Variants in NRF1 observed in about 807,000 individuals in gnomAD.
NRF1 encodes alpha palindromic-binding protein.
In NRF1, 5 loss-of-function variants were observed where a neutral mutation model predicts 58.5. The observed-to-expected ratio is 0.09, with a 90% CI of 0.04 to 0.18. NRF1 has a LOEUF of 0.18. Among genes scored for constraint, NRF1 ranks in the 10% least tolerant of loss-of-function variants. The pLI is 1.00. For synonymous variants in NRF1, 224 were observed against 246.7 expected, an observed-to-expected ratio of 0.91 and a Z score of 0.86; for missense variants, 288 against 657.7, an observed-to-expected ratio of 0.44 and a Z score of 6.15.
chr7:129,753,190 T>C (rs1311227292), intron 10 of NRF1, among the ~76,000 whole-genome samples: 1 of 152,232 alleles, frequency 6.6e-6, no homozygotes, highest in Non-Finnish European at 1.5e-5. Context: ...AATTTTTATC[T>C]TCATCAAAGT....
chr7:129,727,759 C>T (rs1803481669), intron 10 of NRF1, among the ~76,000 whole-genome samples: 1 of 152,164 alleles, frequency 6.6e-6, no homozygotes. Flanking sequence ...ATGGAAAGTT[C>T]TGACTACATC....
rs1220666476 is a variant in NRF1, at chr7:129,696,083, A to AAC, written c.606+5538_606+5539insCA. Among the ~76,000 whole-genome samples the AAC allele has an allele frequency of 6.9e-5, 10 of 145,392 alleles. 1 individual carries two copies. Among genetic ancestry groups the AAC allele is most frequent in the African/African-American group, 2.6e-4 (10 of 38,946 alleles). ...ACTAAAAAAAAAAAAAAAAAAAAAAAAAACAACCAAATTAGCCGGGCTTAG... is the reference window on the plus strand; with the variant it reads ...ACTAAAAAAAAAAAAAAAAAAAAAAAACAAACAACCAAATTAGCCGGGCTTAG... On this transcript the variant is annotated intron_variant, in intron 5 of 10. Coordinates refer to ENST00000393232, the MANE Select transcript of NRF1 (RefSeq NM_005011.5).
At chr7:129,618,511 G>A (rs1293525125) in intron 1 of NRF1, among the ~76,000 whole-genome samples, 5 of 152,174 alleles carry the variant, frequency 3.3e-5, no homozygotes, top group Admixed American at 2.0e-4. Flanking sequence ...TCTGGGCAAC[G>A]TTGTGAGACC....
chr7:129,754,668 G>C (rs1562995308), intron 10 of NRF1, among the ~76,000 whole-genome samples: 1 of 151,932 alleles, frequency 6.6e-6, no homozygotes, highest in African/African-American at 2.4e-5. Context: ...TGTGTTTCAA[G>C]ATAGCTAGAT....
intron 2 of NRF1, among the ~76,000 whole-genome samples, 164 bp from the exon 3 acceptor site, chr7:129,671,265 C>T (rs1216477153): frequency 6.6e-6 from 1 of 152,154 alleles, no homozygotes; most frequent in Non-Finnish European, 1.5e-5. Context: ...TAATATGAAT[C>T]ATGTTAAACA....
At chr7:129,615,042 T>G (rs1159448565) in intron 1 of NRF1, among the ~76,000 whole-genome samples, 1 of 152,208 alleles carries the variant, frequency 6.6e-6, no homozygotes, top group Non-Finnish European at 1.5e-5. Context: ...TTCAGTAAAG[T>G]TGAAGAATAA....
intron 5 of NRF1, among the ~76,000 whole-genome samples, chr7:129,705,861 A>G (rs1198964547): frequency 6.6e-6 from 1 of 152,162 alleles, no homozygotes; most frequent in Non-Finnish European, 1.5e-5. Context: ...GGATCCCTTG[A>G]GCCCTGGAGG....
At chr7:129,654,379 T>G (rs1253809917) in intron 1 of NRF1, among the ~76,000 whole-genome samples, 1 of 152,232 alleles carries the variant, frequency 6.6e-6, no homozygotes, top group Non-Finnish European at 1.5e-5. Context: ...CTGATTCATC[T>G]TTTACAACTA....
chr7:129,654,533 G>A (rs1010577550), intron 1 of NRF1, among the ~76,000 whole-genome samples: 14 of 152,072 alleles, frequency 9.2e-5, no homozygotes, highest in African/African-American at 3.1e-4. Context: ...AAAAGTCATT[G>A]CCATACCCAA....
chr7:129,613,489 T>G (rs543680213), intron 1 of NRF1, among the ~76,000 whole-genome samples: 2 of 152,294 alleles, frequency 1.3e-5, no homozygotes, highest in South Asian at 4.1e-4. Context: ...ATTCTTAACT[T>G]GGATCCTAAA....
intron 2 of NRF1, among the ~76,000 whole-genome samples, chr7:129,670,947 A>C (rs1468850000): frequency 6.6e-6 from 1 of 152,198 alleles, no homozygotes; most frequent in Non-Finnish European, 1.5e-5. Context: ...GTGTTGTTGG[A>C]GTTCCAAATG....
At chr7:129,645,354 C>G (rs1045084959) in intron 1 of NRF1, among the ~76,000 whole-genome samples, 14 of 152,132 alleles carry the variant, frequency 9.2e-5, no homozygotes, top group African/African-American at 2.9e-4. Flanking sequence ...TTGTACCACC[C>G]CGCCGGAGAA....
At chr7:129,651,985 A>G (rs1292824630) in intron 1 of NRF1, among the ~76,000 whole-genome samples, 2 of 152,226 alleles carry the variant, frequency 1.3e-5, no homozygotes, top group African/African-American at 4.8e-5. Flanking sequence ...CAGATTTTCC[A>G]AATGTTCACA....
intron 2 of NRF1, among the ~76,000 whole-genome samples, chr7:129,664,490 A>C (rs765238174): frequency 5.9e-5 from 9 of 152,234 alleles, no homozygotes; most frequent in Non-Finnish European, 1.2e-4. Context: ...GTTACTGTCC[A>C]CTGTGTATTT....
chr7:129,673,498 G>A (rs1802097738), intron 3 of NRF1, among the ~76,000 whole-genome samples: 1 of 152,124 alleles, frequency 6.6e-6, no homozygotes, highest in African/African-American at 2.4e-5. Flanking sequence ...GGGAGGCCGA[G>A]GCGGGCGGAT....
Position 129,699,172 on chromosome 7 carries a change from C to G in NRF1, c.606+8626C>G, listed in dbSNP as rs532565748. ...GTAATTTACAGCAGTTTCAGGTAAA[C>G]CTTCTGAAATGTTCAGCAGAGTGGT... is the stretch of plus-strand genomic sequence containing the variant. On this transcript the variant is annotated intron_variant, in intron 5 of 10. Transcript: ENST00000393232. Among the ~76,000 whole-genome samples the G allele has an allele frequency of 6.6e-5, 10 of 152,286 alleles. No homozygotes were observed. In the East Asian group the frequency reaches 1.5e-3, roughly 24 times the overall value.
chr7:129,705,871 GT>G (rs764136465), intron 5 of NRF1, among the ~76,000 whole-genome samples: 2 of 152,158 alleles, frequency 1.3e-5, no homozygotes, highest in Non-Finnish European at 2.9e-5. Context: ...AGCCCTGGAG[GT>G]TGAGGCTGCA....
At chr7:129,688,891 A>G (rs1278333099) in intron 4 of NRF1, among the ~76,000 whole-genome samples, 1 of 151,410 alleles carries the variant, frequency 6.6e-6, no homozygotes, top group African/African-American at 2.4e-5. Flanking sequence ...TTGGGTGGGG[A>G]CATAGAGCCA....
In NRF1 at chr7:129,755,257, G is replaced by T; in HGVS notation, c.*76G>T. The T allele has an allele frequency of 3.9e-6, 5 of 1,279,972 alleles. No homozygotes were observed. The highest frequency in any genetic ancestry group is 2.0e-5 in the South Asian group (1 of 50,390). 79.3% of individuals were successfully genotyped at this position (1,279,972 alleles called of 1,614,324 possible). ...CACGTTTGCAGAGGTGCAATCAAAT[G>T]GAATTAAGTCTCTCGACTTTGGAAG... is the stretch of plus-strand genomic sequence containing the variant. On this transcript the variant is annotated 3_prime_UTR_variant, in exon 11 of 11. Transcript: ENST00000393232. The surrounding 1 kb of genome is among the most constrained non-coding windows in gnomAD (Gnocchi z 5.8).
Sources: allele counts gnomAD v4.1 joint callset (sites outside exome capture counted in the v4.1 genomes callset), GRCh38; gene constraint gnomAD v4.1.1; non-coding constraint Gnocchi (gnomAD v3.1); transcripts MANE v1.5; gene names NCBI Gene and HGNC (gene_info 2026-07-23, HGNC 2026-07-21).